Variants in ZNF565 observed in about 807,000 individuals in gnomAD.
The protein encoded by ZNF565 is zinc finger protein 565.
A neutral mutation model predicts 39.4 loss-of-function variants in ZNF565; 27 were observed. That is an observed-to-expected ratio of 0.69 (90% CI 0.51 to 0.95). The LOEUF (loss-of-function observed/expected upper bound fraction) is 0.95. ZNF565 is among the 40% of genes least tolerant of loss of function. The pLI is 0.00. For synonymous variants in ZNF565, 185 were observed against 216.6 expected, an observed-to-expected ratio of 0.85 and a Z score of 1.28; for missense variants, 524 against 621.1, an observed-to-expected ratio of 0.84 and a Z score of 1.66.
chr19:36,236,571 T>C, intron 1 of ZNF565: 1 of 1,614,148 alleles, frequency 6.2e-7, no homozygotes, highest in Non-Finnish European at 8.5e-7. Context: ...GAGAAACCTT[T>C]TGAATGTAAC....
chr19:36,242,520 A>C (rs1977818269), intron 1 of ZNF565, among the ~76,000 whole-genome samples: 1 of 152,128 alleles, frequency 6.6e-6, no homozygotes, highest in African/African-American at 2.4e-5. Context: ...CGAGATCAAG[A>C]GCTCGAGACC....
intron 1 of ZNF565, among the ~76,000 whole-genome samples, chr19:36,235,220 AG>A (rs1977600786): frequency 7.0e-6 from 1 of 143,706 alleles, no homozygotes; most frequent in Admixed American, 6.9e-5. Flanking sequence ...AAAAAAAAAA[AG>A]AAGAAAGAAA....
Position 36,245,658 on chromosome 19 carries a change from G to C in ZNF565, c.-128C>G. The C allele has an allele frequency of 2.9e-6, 2 of 681,522 alleles. No individual in the cohort carries two copies. Among genetic ancestry groups the C allele is most frequent in the Admixed American group, 4.1e-5 (2 of 48,416 alleles). 42.2% of individuals were successfully genotyped at this position (681,522 alleles called of 1,614,324 possible). On this transcript the variant is annotated 5_prime_UTR_variant, in exon 1 of 5. Coordinates refer to the ZNF565 transcript ENST00000355114. This position sits in a 1 kb window ranked among gnomAD's most constrained non-coding sequence, Gnocchi z 4.4. ...AATTGGTGCTTTGGCAGAGTCTCTGGTGCCCGGGTGAATGGGTTCAGGGTC... is the reference window on the plus strand; with the variant it reads ...AATTGGTGCTTTGGCAGAGTCTCTGCTGCCCGGGTGAATGGGTTCAGGGTC...
chr19:36,221,699 C>A (rs1384837607), intron 1 of ZNF565, among the ~76,000 whole-genome samples: 2 of 152,102 alleles, frequency 1.3e-5, no homozygotes, highest in African/African-American at 4.8e-5. Context: ...TCCCTTCCCC[C>A]AGTCACATTC....
At chr19:36,194,685 G>C (rs527946217) in intron 3 of ZNF565, 1 of 476,694 alleles carries the variant, frequency 2.1e-6, no homozygotes, top group East Asian at 4.1e-5. Context: ...CTTGTTCTGT[G>C]CCCAGCTCTG....
At chr19:36,194,673 G>GC in intron 3 of ZNF565, 4 of 472,208 alleles carry the variant, frequency 8.5e-6, no homozygotes, top group Non-Finnish European at 1.6e-5. Context: ...GATGCTCCTG[G>GC]CCTTGTTCTG....
Position 36,239,762 on chromosome 19 carries a change from C to G in ZNF565, c.55+5714G>C, listed in dbSNP as rs1383495452. Among the ~76,000 whole-genome samples the G allele has an allele frequency of 4.6e-5, 7 of 152,232 alleles. No homozygotes were observed. In the South Asian group the frequency reaches 1.5e-3, roughly 32 times the overall value. The stretch of plus-strand genomic sequence containing the variant: ...CTGCTGTTACAGAGAGAGAATGGGA[C>G]GGGTATGAGAAAAATGGCTCAGACC... On this transcript the variant is annotated intron_variant, in intron 1 of 4. Coordinates refer to the ZNF565 transcript ENST00000355114.
chr19:36,197,958 G>A lies in ZNF565; in HGVS notation c.10-2802C>T, dbSNP rs1256074970. Among the ~76,000 whole-genome samples the A allele has an allele frequency of 2.0e-5, 3 of 152,018 alleles. No homozygotes were observed. In the East Asian group the frequency reaches 5.8e-4, roughly 29 times the overall value. On this transcript the variant is annotated intron_variant, in intron 2 of 4. Coordinates refer to ENST00000304116, the MANE Select transcript of ZNF565 (RefSeq NM_152477.5). ...AGGTCAAGAGTTCGAGACCAGCCTG[G>A]CCAACATGGTGAAACCCCACTTCTA...
At chr19:36,196,873 C>T (rs1238268066) in intron 2 of ZNF565, among the ~76,000 whole-genome samples, 1 of 151,934 alleles carries the variant, frequency 6.6e-6, no homozygotes, top group Non-Finnish European at 1.5e-5. Flanking sequence ...GCCTGGCCAA[C>T]ATGGCGAAAT....
intron 1 of ZNF565, among the ~76,000 whole-genome samples, chr19:36,210,584 C>T (rs1241192202): frequency 6.6e-6 from 1 of 151,914 alleles, no homozygotes; most frequent in Non-Finnish European, 1.5e-5. Flanking sequence ...GCAATGACAT[C>T]TCAGAAGCAA....
At chr19:36,239,605 T>C (rs1272058099) in intron 1 of ZNF565, among the ~76,000 whole-genome samples, 2 of 152,114 alleles carry the variant, frequency 1.3e-5, no homozygotes, top group Non-Finnish European at 2.9e-5. Flanking sequence ...ACATTACAGG[T>C]ATGAGTCACC....
intron 1 of ZNF565, among the ~76,000 whole-genome samples, chr19:36,222,311 G>C (rs1424561414): frequency 2.0e-5 from 3 of 152,146 alleles, no homozygotes; most frequent in Non-Finnish European, 2.9e-5. Flanking sequence ...GATGCACCAT[G>C]GTTGATTCAG....
At chr19:36,234,052 C>G (rs1977528072) in intron 1 of ZNF565, among the ~76,000 whole-genome samples, 1 of 152,126 alleles carries the variant, frequency 6.6e-6, no homozygotes, top group African/African-American at 2.4e-5. Flanking sequence ...TGTGTTGTGT[C>G]TCTGGGTACT....
At chr19:36,239,426 A>T (rs1977759178) in intron 1 of ZNF565, among the ~76,000 whole-genome samples, 1 of 150,838 alleles carries the variant, frequency 6.6e-6, no homozygotes. Flanking sequence ...GGGCTCAAGC[A>T]GTCCTCCGAC....
intron 4 of ZNF565, among the ~76,000 whole-genome samples, chr19:36,188,317 T>A (rs1975387620): frequency 6.6e-6 from 1 of 151,006 alleles, no homozygotes; most frequent in South Asian, 2.1e-4. Context: ...ATCCCGCCAC[T>A]GCACTCCAGC....
chr19:36,193,429 T>C (rs1975637463), intron 4 of ZNF565, among the ~76,000 whole-genome samples: 1 of 150,042 alleles, frequency 6.7e-6, no homozygotes, highest in Non-Finnish European at 1.5e-5. Context: ...AGAAAATAAG[T>C]TTTTCTTTTT....
chr19:36,187,933 T>C (rs1489451919), intron 4 of ZNF565, among the ~76,000 whole-genome samples: 1 of 150,562 alleles, frequency 6.6e-6, no homozygotes, highest in African/African-American at 2.4e-5. Context: ...CCACCGCGCC[T>C]GGCCCAGCCT....
intron 1 of ZNF565, among the ~76,000 whole-genome samples, chr19:36,204,679 C>T (rs1976086787): frequency 2.0e-5 from 3 of 152,018 alleles, no homozygotes; most frequent in South Asian, 4.1e-4. Flanking sequence ...CTGGAGATGA[C>T]ATCAGGGGTT....
chr19:36,202,025 T>C lies in ZNF565; in HGVS notation c.-40A>G, dbSNP rs910949042. On this transcript the variant is annotated 5_prime_UTR_variant, in exon 2 of 5. Coordinates refer to ENST00000304116, the MANE Select transcript of ZNF565 (RefSeq NM_152477.5). ...TTTGACCTGCTCTGATTTCTCTGGA[T>C]TCTTCTCTTGGACAAGTGCAGAGTC... is the stretch of plus-strand genomic sequence containing the variant. The C allele has an allele frequency of 6.2e-7, 1 of 1,613,874 alleles. No individual in the cohort carries two copies. The highest frequency in any genetic ancestry group is 8.5e-7 in the Non-Finnish European group (1 of 1,179,774).
Sources: gnomAD v4.1 joint callset for allele counts (sites outside exome capture counted in the v4.1 genomes callset) on GRCh38, gnomAD v4.1.1 for gene constraint, Gnocchi (gnomAD v3.1) non-coding constraint, MANE v1.5 for transcripts, NCBI Gene and HGNC (gene_info 2026-07-23, HGNC 2026-07-21) for gene names.